RABEP1: variants seen among roughly 807,000 people sequenced by gnomAD.
The protein encoded by RABEP1 is rabaptin, RAB GTPase binding effector protein 1.
In RABEP1, 51 loss-of-function variants were observed where a neutral mutation model predicts 123.4. That is an observed-to-expected ratio of 0.41 (90% CI 0.33 to 0.52). The LOEUF (loss-of-function observed/expected upper bound fraction) is 0.52. RABEP1 is among the 20% of genes least tolerant of loss of function. The pLI is 0.16. For missense variants in RABEP1, 888 were observed against 996.3 expected (o/e 0.89, Z 1.46); for synonymous variants, 347 against 355.2 (o/e 0.98, Z 0.26).
At chr17:5,308,609 A>G (rs2075204298) in intron 1 of RABEP1, 85 bp from the exon 2 acceptor site, 1 of 1,210,254 alleles carries the variant, frequency 8.3e-7, no homozygotes, top group Non-Finnish European at 1.1e-6. Context: ...CACGTATAGC[A>G]ATGTACAGCT....
intron 4 of RABEP1, 49 bp from the exon 5 acceptor site, chr17:5,337,970 A>G (rs781452548): frequency 1.9e-6 from 3 of 1,550,196 alleles, no homozygotes; most frequent in South Asian, 1.2e-5. Flanking sequence ...AGTTTCTTAG[A>G]AAAGCAGTAA....
At position 5,373,416 on chromosome 17, in the gene RABEP1, C is replaced by G; in HGVS notation, c.1987C>G (p.Gln663Glu). ...AAAGCACAGCCTGCATGTGTCATTA[C>G]AGCAAGCAGAAGACTTCATCCTCCC... ...QGKHSLHVSL[Q>E]QAEDFILPDT... Residue 663 changes from glutamine to glutamate, a missense_variant, in exon 13 of 18, where the codon CAG becomes GAG. Gln to Glu is a conservative substitution (Grantham distance 29). Transcript: ENST00000537505. 1 of 1,612,750 alleles carries G rather than the reference C, an allele frequency of 6.2e-7. No homozygotes were observed. The highest frequency in any genetic ancestry group is 8.5e-7 in the Non-Finnish European group (1 of 1,179,684).
intron 2 of RABEP1, among the ~76,000 whole-genome samples, chr17:5,315,347 C>A (rs945104055): frequency 2.0e-5 from 3 of 152,160 alleles, no homozygotes; most frequent in Non-Finnish European, 4.4e-5. Flanking sequence ...GTACTGAGTT[C>A]TTCCTCCTAG....
At chr17:5,337,269 A>T (rs1319029639) in intron 4 of RABEP1, among the ~76,000 whole-genome samples, 2 of 152,218 alleles carry the variant, frequency 1.3e-5, no homozygotes, top group Non-Finnish European at 2.9e-5. Flanking sequence ...TTATAGCAAC[A>T]TAATTTTCTA....
At chr17:5,337,231 T>C (rs190808484) in intron 4 of RABEP1, among the ~76,000 whole-genome samples, 170 of 152,334 alleles carry the variant, frequency 1.1e-3, no homozygotes, top group African/African-American at 3.7e-3. Context: ...GTATTTAAAG[T>C]ACTCTGTTTA....
At chr17:5,337,524 AAAT>A (rs2144614581) in intron 4 of RABEP1, among the ~76,000 whole-genome samples, 1 of 151,420 alleles carries the variant, frequency 6.6e-6, no homozygotes, top group East Asian at 2.0e-4. Context: ...TCTCTACTAA[AAAT>A]AATAATAAAA....
chr17:5,340,241 C>T (rs1458131907), intron 5 of RABEP1, among the ~76,000 whole-genome samples: 1 of 152,134 alleles, frequency 6.6e-6, no homozygotes, highest in Non-Finnish European at 1.5e-5. Flanking sequence ...GTTAAGAGCT[C>T]AGCATTTAGT....
chr17:5,301,067 G>A (rs1641489683), intron 1 of RABEP1, among the ~76,000 whole-genome samples: 1 of 152,124 alleles, frequency 6.6e-6, no homozygotes. Context: ...AAACTTTAAG[G>A]AATACCCAAA....
intron 1 of RABEP1, among the ~76,000 whole-genome samples, chr17:5,308,154 G>T (rs1347682648): frequency 1.3e-5 from 2 of 151,700 alleles, no homozygotes; most frequent in Non-Finnish European, 2.9e-5. Context: ...TTGGCCTTAT[G>T]TGATTCTCTG....
intron 5 of RABEP1, among the ~76,000 whole-genome samples, chr17:5,340,213 C>T (rs933971420): frequency 4.6e-5 from 7 of 152,166 alleles, no homozygotes; most frequent in Non-Finnish European, 8.8e-5. Context: ...GTATCGCATA[C>T]AGTACTAGAA....
At chr17:5,344,877 A>G (rs921078387) in intron 5 of RABEP1, among the ~76,000 whole-genome samples, 2 of 151,894 alleles carry the variant, frequency 1.3e-5, no homozygotes, top group African/African-American at 4.8e-5. Context: ...GAATTGCTTG[A>G]ACCCAGGAGC....
At chr17:5,341,980 T>C (rs1369431166) in intron 5 of RABEP1, among the ~76,000 whole-genome samples, 3 of 152,196 alleles carry the variant, frequency 2.0e-5, no homozygotes, top group African/African-American at 7.2e-5. Context: ...GGCAGACCCA[T>C]GCTCAGTAAT....
chr17:5,299,605 G>A (rs1213261635), intron 1 of RABEP1, among the ~76,000 whole-genome samples: 2 of 149,414 alleles, frequency 1.3e-5, no homozygotes, highest in Non-Finnish European at 3.0e-5. Context: ...TTTTAGTCAC[G>A]GTTTTATTTT....
rs765486394 is a variant in RABEP1, at chr17:5,365,256, G to T, written c.1785+18G>T. The T allele has an allele frequency of 3.0e-5, 45 of 1,522,378 alleles. No individual in the cohort carries two copies. The highest frequency in any genetic ancestry group is 4.1e-5 in the Admixed American group (2 of 48,754). The allele number at this position is 1,522,378 out of a possible 1,614,324, so 94.3% of individuals were successfully genotyped here. On this transcript the variant is annotated intron_variant, in intron 11 of 17. Coordinates refer to ENST00000537505, the MANE Select transcript of RABEP1 (RefSeq NM_004703.6). ...GTCACCAGGTAAGGGAGGGTTTATA[G>T]ACTGTGGCCCATGAGGGATGACTGG...
chr17:5,292,081 G>C (rs2075038935), intron 1 of RABEP1, among the ~76,000 whole-genome samples: 1 of 152,084 alleles, frequency 6.6e-6, no homozygotes, highest in Non-Finnish European at 1.5e-5. Context: ...ATGACATTTT[G>C]GTATATATTG....
chr17:5,378,302 C>T, intron 15 of RABEP1, 70 bp downstream of exon 15: 1 of 1,387,044 alleles, frequency 7.2e-7, no homozygotes, highest in East Asian at 2.3e-5. Context: ...CTATGCTGCA[C>T]CCAACGAATA....
intron 13 of RABEP1, among the ~76,000 whole-genome samples, chr17:5,374,874 C>T (rs892791757): frequency 2.0e-5 from 3 of 152,150 alleles, no homozygotes; most frequent in Non-Finnish European, 4.4e-5. Context: ...CAACTCCTGA[C>T]CTCGTGATCC....
intron 1 of RABEP1, among the ~76,000 whole-genome samples, chr17:5,298,481 C>T (rs1295189478): frequency 6.6e-6 from 1 of 152,116 alleles, no homozygotes; most frequent in Non-Finnish European, 1.5e-5. Flanking sequence ...TTATGATATT[C>T]TTTATGAATA....
Position 5,350,548 on chromosome 17 carries a change from G to A in RABEP1, c.882G>A (p.Leu294=), listed in dbSNP as rs1597376586. The A allele has an allele frequency of 6.2e-7, 1 of 1,614,048 alleles. No homozygotes were observed. Among genetic ancestry groups the A allele is most frequent in the South Asian group, 1.1e-5 (1 of 91,082 alleles). Residue 294 remains leucine (L), a synonymous_variant, in exon 7 of 18, where the codon CTG becomes CTA. Transcript: ENST00000537505. ...NDQFLESQRL[L]MRDMQRMEIV... is the part of the protein sequence containing the mutation. ...AGTTTCTGGAATCTCAGCGTTTACT[G>A]ATGAGAGACATGCAGCGAATGGAGA... is the stretch of plus-strand genomic sequence containing the variant.
Sources: allele counts gnomAD v4.1 joint callset (sites outside exome capture counted in the v4.1 genomes callset), GRCh38; gene constraint gnomAD v4.1.1; transcripts MANE v1.5; gene names NCBI Gene and HGNC (gene_info 2026-07-23, HGNC 2026-07-21).